RNF122: variants seen among roughly 807,000 people sequenced by gnomAD.
The protein encoded by RNF122 is ring finger protein 122.
In RNF122, 17 loss-of-function variants were observed where a neutral mutation model predicts 24.2. That is an observed-to-expected ratio of 0.70 (90% confidence interval 0.48 to 1.06). RNF122 has a LOEUF of 1.06. Among genes scored for constraint, RNF122 ranks in the 50% least tolerant of loss-of-function variants. The probability of loss-of-function intolerance (pLI) is 0.00; values close to 1 mark genes in which losing one functional copy is unlikely to be tolerated. For synonymous variants in RNF122, 65 were observed against 71.8 expected (o/e 0.91, Z 0.48); for missense variants, 168 against 198.1 (o/e 0.85, Z 0.91).
In RNF122 at chr8:33,551,026, C is replaced by T; in HGVS notation, c.270+18G>A. On this transcript the variant is annotated intron_variant, in intron 4 of 5. Transcript: ENST00000256257. ...TCACCTGCTGGGGCCCTCCTGCACA[C>T]TTTCCTGGCACACTTACCCCATATA... The T allele has an allele frequency of 6.2e-7, 1 of 1,613,882 alleles. No individual in the cohort carries two copies. The highest frequency in any genetic ancestry group is 8.5e-7 in the Non-Finnish European group (1 of 1,179,780).
At chr8:33,550,928 G>A in intron 4 of RNF122, 116 bp downstream of exon 4, 1 of 925,276 alleles carries the variant, frequency 1.1e-6, no homozygotes, top group Non-Finnish European at 1.8e-6. Flanking sequence ...GGCCAAAGGA[G>A]ATATGAAGGC....
At chr8:33,554,707 A>G (rs749990781) in intron 2 of RNF122, among the ~76,000 whole-genome samples, 1 of 152,176 alleles carries the variant, frequency 6.6e-6, no homozygotes, top group African/African-American at 2.4e-5. Context: ...CAATGAGACC[A>G]TTTCTAGCCG....
At chr8:33,550,681 A>G (rs893543161) in intron 4 of RNF122, among the ~76,000 whole-genome samples, 2 of 152,180 alleles carry the variant, frequency 1.3e-5, no homozygotes, top group Non-Finnish European at 2.9e-5. Flanking sequence ...CTCATTTCCT[A>G]TGATAACAAC....
intron 2 of RNF122, among the ~76,000 whole-genome samples, chr8:33,556,294 A>C (rs1294186180): frequency 6.6e-6 from 1 of 151,036 alleles, no homozygotes; most frequent in Non-Finnish European, 1.5e-5. Flanking sequence ...TCTCTAAGTC[A>C]TTTTTGTAGA....
intron 2 of RNF122, 60 bp from the exon 3 acceptor site, chr8:33,551,449 G>T: frequency 6.3e-7 from 1 of 1,576,782 alleles, no homozygotes; most frequent in South Asian, 1.1e-5. Flanking sequence ...CAAAGCAGGA[G>T]AGGCTGGCTG....
At chr8:33,560,912 CA>C (rs1810531485) in intron 1 of RNF122, among the ~76,000 whole-genome samples, 1 of 151,862 alleles carries the variant, frequency 6.6e-6, no homozygotes, top group Non-Finnish European at 1.5e-5. Context: ...GCCTTGGAGA[CA>C]GAGCAAGACT....
rs747955157 is a variant in RNF122, at chr8:33,548,909, C to T, written c.354-42G>A. The stretch of plus-strand genomic sequence containing the variant: ...AATGGTAATCTCTAACCAGACAGAC[C>T]ACGCTGCTCCAGTTGTCTCTCAAAA... On this transcript the variant is annotated intron_variant, in intron 5 of 5. Coordinates refer to ENST00000256257, the MANE Select transcript of RNF122 (RefSeq NM_024787.3). The T allele has an allele frequency of 3.0e-6, 4 of 1,314,478 alleles. No individual in the cohort carries two copies. The Admixed American group carries it at 6.7e-5, about 22-fold the overall frequency. The allele number at this position is 1,314,478 out of a possible 1,614,324, so 81.4% of individuals were successfully genotyped here. A position where few individuals can be genotyped will look rare whatever the true frequency, so the allele number is the denominator to read the frequency against.
intron 2 of RNF122, among the ~76,000 whole-genome samples, chr8:33,555,498 C>G (rs1810438828): frequency 6.6e-6 from 1 of 152,208 alleles, no homozygotes; most frequent in South Asian, 2.1e-4. Flanking sequence ...CCACCACGCC[C>G]AGCCCTGTTC....
intron 1 of RNF122, among the ~76,000 whole-genome samples, chr8:33,563,494 T>C (rs1363056164): frequency 6.6e-6 from 1 of 152,234 alleles, no homozygotes; most frequent in East Asian, 1.9e-4. Flanking sequence ...TACTAAACTT[T>C]GCTGTGCCCA....
chr8:33,550,962 A>G, intron 4 of RNF122, 82 bp downstream of exon 4: 1 of 1,375,346 alleles, frequency 7.3e-7, no homozygotes, highest in Non-Finnish European at 1.0e-6. Flanking sequence ...TTTTCTGAAA[A>G]GCGTCCAGGC....
At chr8:33,563,944 C>T (rs1313116918) in intron 1 of RNF122, among the ~76,000 whole-genome samples, 1 of 152,160 alleles carries the variant, frequency 6.6e-6, no homozygotes, top group Non-Finnish European at 1.5e-5. Flanking sequence ...CTTATCCTGC[C>T]TGATAAAGGC....
chr8:33,566,463 C>T lies in RNF122; in HGVS notation c.25+236G>A, dbSNP rs577365814. 7.2e-5 allele frequency among the ~76,000 whole-genome samples: 11 copies of T among 152,294 alleles called. No individual in the cohort carries two copies. In the East Asian group the frequency reaches 1.9e-3, roughly 27 times the overall value. Reference sequence around the variant, plus strand: ...GGCCGGGAACCCCTCGGCTCCCACGCCCCCGGCCCGCCGCCAGTCCGGAGG... The same window carrying T: ...GGCCGGGAACCCCTCGGCTCCCACGTCCCCGGCCCGCCGCCAGTCCGGAGG... On this transcript the variant is annotated intron_variant, in intron 1 of 5. Coordinates refer to ENST00000256257, the MANE Select transcript of RNF122 (RefSeq NM_024787.3).
At chr8:33,553,017 G>A (rs1810399195) in intron 2 of RNF122, among the ~76,000 whole-genome samples, 1 of 147,246 alleles carries the variant, frequency 6.8e-6, no homozygotes, top group South Asian at 2.1e-4. Context: ...GTTGCAGTTA[G>A]CAGAGATCGC....
chr8:33,557,979 C>A (rs1220013867), intron 2 of RNF122, among the ~76,000 whole-genome samples: 1 of 152,110 alleles, frequency 6.6e-6, no homozygotes, highest in African/African-American at 2.4e-5. Flanking sequence ...CCCATCTCTA[C>A]TAAAAATACA....
At chr8:33,559,803 G>A (rs1245563568) in intron 1 of RNF122, among the ~76,000 whole-genome samples, 1 of 150,806 alleles carries the variant, frequency 6.6e-6, no homozygotes, top group Non-Finnish European at 1.5e-5. Flanking sequence ...ATATACTCTC[G>A]GGTCCATCCC....
rs375990145 is a variant in RNF122, at chr8:33,562,199, C to T, written c.26-3428G>A. Among the ~76,000 whole-genome samples the T allele has an allele frequency of 2.9e-4, 44 of 152,208 alleles. No homozygotes were observed. In the East Asian group the frequency reaches 5.2e-3, roughly 18 times the overall value. ...CGTTCCTAGCATTAAGTTACTTTAA[C>T]TCAAATGTGCATTAAGCATTGATTA... On this transcript the variant is annotated intron_variant, in intron 1 of 5. Transcript: ENST00000256257.
In RNF122 at chr8:33,566,877, G is replaced by T. The variant is rs1037621900; in HGVS notation, c.-154C>A. On this transcript the variant is annotated 5_prime_UTR_variant, in exon 1 of 6. Coordinates refer to ENST00000256257, the MANE Select transcript of RNF122 (RefSeq NM_024787.3). The stretch of plus-strand genomic sequence containing the variant: ...GGAGAAGCCGAACTCCCTCCGGAGT[G>T]GGGGGCTTTGACGAGGCTGGTGTTC... The T allele has an allele frequency of 1.3e-5, 10 of 782,134 alleles. No homozygotes were observed. Among genetic ancestry groups the T allele is most frequent in the Admixed American group, 6.5e-5 (3 of 45,854 alleles). 48.4% of individuals were successfully genotyped at this position (782,134 alleles called of 1,614,324 possible).
Position 33,563,615 on chromosome 8 carries a change from C to T in RNF122, c.25+3084G>A, listed in dbSNP as rs141190335. On this transcript the variant is annotated intron_variant, in intron 1 of 5. Coordinates refer to ENST00000256257, the MANE Select transcript of RNF122 (RefSeq NM_024787.3). Reference sequence around the variant, plus strand: ...CTGTGGGTCAAAGAAGAACAATTTTCCATGAGGACATCATGGCAGACTGGC... The same window carrying T: ...CTGTGGGTCAAAGAAGAACAATTTTTCATGAGGACATCATGGCAGACTGGC... Among the ~76,000 whole-genome samples, 172 of 152,272 alleles carry T rather than the reference C, an allele frequency of 1.1e-3. 2 individuals are homozygous for T. In the East Asian group the frequency reaches 0.027, roughly 24 times the overall value.
intron 2 of RNF122, 99 bp from the exon 3 acceptor site, chr8:33,551,488 G>T: frequency 1.6e-6 from 2 of 1,238,884 alleles, no homozygotes; most frequent in Non-Finnish European, 2.4e-6. Flanking sequence ...CGAGGGCAGG[G>T]AGGGGTGCTT....
Sources: allele counts gnomAD v4.1 joint callset (sites outside exome capture counted in the v4.1 genomes callset), GRCh38; gene constraint gnomAD v4.1.1; transcripts MANE v1.5; gene names NCBI Gene and HGNC (gene_info 2026-07-23, HGNC 2026-07-21).